The following RBFOX1 variants were observed in gnomAD, a reference collection of about 807,000 sequenced individuals.
The protein encoded by RBFOX1 is RNA binding fox-1 homolog 1.
RBFOX1 carries 8 observed loss-of-function variants against 57.7 expected under a neutral mutation model. The ratio of observed to expected loss-of-function variants is 0.14; its 90% CI spans 0.08 to 0.25. The LOEUF (loss-of-function observed/expected upper bound fraction) is 0.25, where lower values mean the gene tolerates loss of function less well. RBFOX1 is among the 10% of genes least tolerant of loss of function. The probability of loss-of-function intolerance (pLI) is 1.00; values close to 1 mark genes in which losing one functional copy is unlikely to be tolerated. For missense variants in RBFOX1, 611 were observed against 548.5 expected (o/e 1.11, Z -1.14); for synonymous variants, 326 against 222.4 (o/e 1.47, Z -4.15).
chr16:6,835,461 C>T (rs1417678477), intron 3 of RBFOX1, among the ~76,000 whole-genome samples: 1 of 152,052 alleles, frequency 6.6e-6, no homozygotes, highest in Non-Finnish European at 1.5e-5. Flanking sequence ...ATTTAAGTTT[C>T]TATCTTCTTG....
chr16:7,055,569 C>G (rs1417908142), intron 4 of RBFOX1, among the ~76,000 whole-genome samples: 2 of 152,142 alleles, frequency 1.3e-5, no homozygotes, highest in African/African-American at 2.4e-5. Context: ...ACACGTCTTG[C>G]ATTTTACTGC....
At chr16:5,670,510 G>T (rs1365638188) in intron 3 of RBFOX1, among the ~76,000 whole-genome samples, 1 of 152,174 alleles carries the variant, frequency 6.6e-6, no homozygotes, top group East Asian at 1.9e-4. Context: ...ATATGCCTTT[G>T]TCTCTTAAGC....
At chr16:5,802,530 G>C (rs936841640) in intron 3 of RBFOX1, among the ~76,000 whole-genome samples, 1 of 152,160 alleles carries the variant, frequency 6.6e-6, no homozygotes, top group Non-Finnish European at 1.5e-5. Context: ...CTCTCAGAGG[G>C]AATGCTCAGA....
intron 1 of RBFOX1, among the ~76,000 whole-genome samples, chr16:5,324,879 A>G (rs2064520392): frequency 6.6e-6 from 1 of 152,136 alleles, no homozygotes; most frequent in Non-Finnish European, 1.5e-5. Flanking sequence ...TACTAGACTT[A>G]GTGGTACTAC....
chr16:7,161,627 G>A (rs1319361133), intron 4 of RBFOX1, among the ~76,000 whole-genome samples: 1 of 152,126 alleles, frequency 6.6e-6, no homozygotes, highest in Admixed American at 6.5e-5. Flanking sequence ...AGTAATCCCA[G>A]GGAGCTTTCT....
intron 4 of RBFOX1, among the ~76,000 whole-genome samples, chr16:7,204,907 A>T (rs186955630): frequency 1.3e-5 from 2 of 152,034 alleles, no homozygotes; most frequent in Admixed American, 6.6e-5. Flanking sequence ...TCATCTTTCT[A>T]TGTCTCTTGC....
chr16:6,190,926 C>G (rs1262142136), intron 1 of RBFOX1, among the ~76,000 whole-genome samples: 1 of 152,136 alleles, frequency 6.6e-6, no homozygotes, highest in Non-Finnish European at 1.5e-5. Context: ...TGAATGACAA[C>G]ACGCCGGGGG....
chr16:6,102,565 A>G (rs1315257779), intron 1 of RBFOX1, among the ~76,000 whole-genome samples: 2 of 148,542 alleles, frequency 1.3e-5, no homozygotes, highest in East Asian at 2.0e-4. Flanking sequence ...CTCTCTCTCC[A>G]CCCTCCCACC....
intron 3 of RBFOX1, among the ~76,000 whole-genome samples, chr16:7,011,544 T>G (rs1010213946): frequency 6.6e-6 from 1 of 152,178 alleles, no homozygotes; most frequent in African/African-American, 2.4e-5. Context: ...GACGAAGTCT[T>G]GCTTTGTCGC....
rs1256977967 is a variant in RBFOX1, at chr16:7,627,689, T to C, written c.677-2914T>C. 2.0e-5 allele frequency among the ~76,000 whole-genome samples: 3 copies of C among 152,128 alleles called. No individual in the cohort carries two copies. In the East Asian group the frequency reaches 5.8e-4, roughly 29 times the overall value. On this transcript the variant is annotated intron_variant, in intron 10 of 15. Transcript: ENST00000550418. ...GACTTACTTTTTAAAACAAACACAC[T>C]TACCTTTCCCTGCCCAAAAAAATGC...
chr16:7,653,942 C>CGGCGGGTAAGTGG lies in RBFOX1; in HGVS notation c.889_890+11dup. 2.0e-6 allele frequency: 3 copies of CGGCGGGTAAGTGG among 1,525,352 alleles called. No individual in the cohort carries two copies. In the African/African-American group the frequency reaches 4.1e-5, roughly 21 times the overall value. The allele number at this position is 1,525,352 out of a possible 1,614,324, so 94.5% of individuals were successfully genotyped here. ...CGCCCCCGCCCCCGATCCCGGCCTACGGCGGGTAAGTGGGGCAGCCTCCTG... is the reference window on the plus strand; with the variant it reads ...CGCCCCCGCCCCCGATCCCGGCCTACGGCGGGTAAGTGGGGCGGGTAAGTGGGGCAGCCTCCTG... On this transcript the variant is annotated stop_gained and frameshift_variant, in exon 12 of 16. Coordinates refer to ENST00000550418, the MANE Select transcript of RBFOX1 (RefSeq NM_018723.4). LOFTEE classifies it high-confidence loss of function.
rs372108923 is a variant in RBFOX1 at position 5,735,560 on chromosome 16, A to G, written c.319-131743A>G. Among the ~76,000 whole-genome samples, 16 of 152,242 alleles carry G rather than the reference A, an allele frequency of 1.1e-4. No homozygotes were observed. The East Asian group carries it at 2.7e-3, about 26-fold the overall frequency. The stretch of plus-strand genomic sequence containing the variant: ...TGATCACTGAGGCATGTGGGTGTCC[A>G]TTACCTAATAGAGTAGAAGAGGACT... On this transcript the variant is annotated intron_variant, in intron 3 of 19. Transcript: ENST00000641259.
At chr16:5,307,222 C>T (rs1174063322) in intron 1 of RBFOX1, among the ~76,000 whole-genome samples, 3 of 152,128 alleles carry the variant, frequency 2.0e-5, no homozygotes, top group Non-Finnish European at 4.4e-5. Context: ...TGTTTGCATG[C>T]TTTAGGGAGG....
intron 4 of RBFOX1, among the ~76,000 whole-genome samples, chr16:7,201,616 C>A (rs117616103): frequency 7.9e-5 from 12 of 152,078 alleles, no homozygotes; most frequent in Admixed American, 7.9e-4. Flanking sequence ...GTGTCCAACA[C>A]CACGCCTGGC....
chr16:7,292,855 T>C (rs539438578), intron 4 of RBFOX1, among the ~76,000 whole-genome samples: 1 of 152,262 alleles, frequency 6.6e-6, no homozygotes, highest in East Asian at 1.9e-4. Flanking sequence ...TTTGGAAAGA[T>C]GGCTTGATAC....
chr16:5,454,082 G>T (rs897718633), intron 1 of RBFOX1, among the ~76,000 whole-genome samples: 1 of 152,240 alleles, frequency 6.6e-6, no homozygotes, highest in African/African-American at 2.4e-5. Context: ...AGGCCAAATC[G>T]TGCCAGCCTG....
At chr16:6,915,785 C>A (rs963382502) in intron 3 of RBFOX1, among the ~76,000 whole-genome samples, 2 of 152,112 alleles carry the variant, frequency 1.3e-5, no homozygotes, top group East Asian at 1.9e-4. Context: ...CACCTGTACT[C>A]AGGTGATCTG....
intron 4 of RBFOX1, among the ~76,000 whole-genome samples, chr16:7,299,211 A>G (rs1427350639): frequency 6.6e-6 from 1 of 152,176 alleles, no homozygotes; most frequent in African/African-American, 2.4e-5. Flanking sequence ...TCTATATATT[A>G]TTGATAGGCA....
chr16:7,101,441 C>T (rs1000886513), intron 4 of RBFOX1, among the ~76,000 whole-genome samples: 4 of 152,106 alleles, frequency 2.6e-5, no homozygotes, highest in African/African-American at 7.2e-5. Context: ...CATAATATAG[C>T]AGTGAATGTA....
Sources: allele counts gnomAD v4.1 joint callset (sites outside exome capture counted in the v4.1 genomes callset), GRCh38; gene constraint gnomAD v4.1.1; transcripts MANE v1.5; gene names NCBI Gene and HGNC (gene_info 2026-07-23, HGNC 2026-07-21).